CACNG2: variants seen among roughly 807,000 people sequenced by gnomAD.
CACNG2 encodes calcium voltage-gated channel auxiliary subunit gamma 2.
CACNG2 carries 3 observed loss-of-function variants against 25.9 expected under a neutral mutation model. The observed-to-expected ratio is 0.12, with a 90% CI of 0.05 to 0.30. The LOEUF is 0.30. CACNG2 is among the 10% of genes least tolerant of loss of function. The pLI is 1.00. For missense variants in CACNG2, 341 were observed against 432.5 expected, an observed-to-expected ratio of 0.79 and a Z score of 1.88; for synonymous variants, 167 against 173.3, an observed-to-expected ratio of 0.96 and a Z score of 0.29.
intron 1 of CACNG2, among the ~76,000 whole-genome samples, chr22:36,625,318 C>A (rs898747167): frequency 2.6e-5 from 4 of 152,152 alleles, no homozygotes; most frequent in Non-Finnish European, 4.4e-5. Context: ...TCATTTCAAT[C>A]GAGGGTTGGA....
At chr22:36,691,880 CCTACT>C (rs1361614192) in intron 1 of CACNG2, among the ~76,000 whole-genome samples, 1 of 152,114 alleles carries the variant, frequency 6.6e-6, no homozygotes. Flanking sequence ...TTCAGGATTA[CCTACT>C]CTGCAAACAT....
chr22:36,659,144 G>A (rs1013828074), intron 1 of CACNG2, among the ~76,000 whole-genome samples: 6 of 152,150 alleles, frequency 3.9e-5, no homozygotes, highest in Admixed American at 2.0e-4. Flanking sequence ...CCCGCTAGGT[G>A]TAGGCACAGG....
At position 36,606,491 on chromosome 22, in the gene CACNG2, T is replaced by G. The variant is rs1935835072; in HGVS notation, c.212-18943A>C. On this transcript the variant is annotated intron_variant, in intron 1 of 3. Coordinates refer to ENST00000300105, the MANE Select transcript of CACNG2 (RefSeq NM_006078.5). This position sits in a 1 kb window ranked among gnomAD's most constrained non-coding sequence, Gnocchi z 5.7. ...CGGGCAGGAGGTTCTAGGTGACTGC[T>G]GGGCTGCACTGTTACAGCACAGTAC... is the stretch of plus-strand genomic sequence containing the variant. Among the ~76,000 whole-genome samples the G allele has an allele frequency of 6.6e-6, 1 of 152,114 alleles. No individual in the cohort carries two copies.
At position 36,686,537 on chromosome 22, in the gene CACNG2, A is replaced by G. The variant is rs189887533; in HGVS notation, c.211+15829T>C. Among the ~76,000 whole-genome samples the G allele has an allele frequency of 5.3e-4, 80 of 152,312 alleles. No individual in the cohort carries two copies. The Middle Eastern group carries it at 0.02, about 39-fold the overall frequency. On this transcript the variant is annotated intron_variant, in intron 1 of 3. Coordinates refer to ENST00000300105, the MANE Select transcript of CACNG2 (RefSeq NM_006078.5). ...GGCATGCAATGGGCCTGCCTCCCAG[A>G]GCTGGGGATTCTATCCACCCTCAAA...
intron 1 of CACNG2, among the ~76,000 whole-genome samples, chr22:36,651,134 G>A (rs1214870684): frequency 1.3e-5 from 2 of 151,516 alleles, no homozygotes; most frequent in African/African-American, 4.9e-5. Flanking sequence ...ACACTGTGTG[G>A]TCCCATAAAC....
intron 1 of CACNG2, among the ~76,000 whole-genome samples, chr22:36,651,385 T>C (rs1317830721): frequency 6.6e-6 from 1 of 151,950 alleles, no homozygotes; most frequent in Non-Finnish European, 1.5e-5. Context: ...GCCACCACCA[T>C]GCCCAGCTAA....
intron 1 of CACNG2, among the ~76,000 whole-genome samples, chr22:36,653,924 T>C (rs1936662688): frequency 6.6e-6 from 1 of 151,318 alleles, no homozygotes; most frequent in African/African-American, 2.4e-5. Context: ...TTAGATTTTT[T>C]TTTTTTTTTT....
chr22:36,617,145 G>T (rs1184801628), intron 1 of CACNG2, among the ~76,000 whole-genome samples: 1 of 152,192 alleles, frequency 6.6e-6, no homozygotes, highest in Non-Finnish European at 1.5e-5. Context: ...GCTAGACCAG[G>T]TCATGGGGGT....
chr22:36,622,176 C>A (rs906121561), intron 1 of CACNG2, among the ~76,000 whole-genome samples: 1 of 152,206 alleles, frequency 6.6e-6, no homozygotes, highest in African/African-American at 2.4e-5. Context: ...TCAGACCTGG[C>A]CAATTGGCTC....
In CACNG2 at chr22:36,562,390, C is replaced by T. The variant is rs1935043142; in HGVS notation, c.*1961G>A. 6.6e-6 allele frequency: 1 copy of T among 151,726 alleles called. No individual in the cohort carries two copies. The highest frequency in any genetic ancestry group is 2.1e-4 in the South Asian group (1 of 4,814). The allele number at this position is 151,726 out of a possible 1,614,324, so 9.4% of individuals were successfully genotyped here. On this transcript the variant is annotated 3_prime_UTR_variant, in exon 4 of 4. Coordinates refer to ENST00000300105, the MANE Select transcript of CACNG2 (RefSeq NM_006078.5). ...TGCTTACATGGGGGGAAAATTAAGGCCCAGAGAGGCCATGCAGCAAGGAAT... is the reference window on the plus strand; with the variant it reads ...TGCTTACATGGGGGGAAAATTAAGGTCCAGAGAGGCCATGCAGCAAGGAAT...
intron 2 of CACNG2, among the ~76,000 whole-genome samples, chr22:36,566,755 C>G (rs1017849686): frequency 6.6e-6 from 1 of 152,202 alleles, no homozygotes; most frequent in Non-Finnish European, 1.5e-5. Context: ...GACTTGGCCT[C>G]TGCCCACTTC....
intron 1 of CACNG2, among the ~76,000 whole-genome samples, chr22:36,690,017 T>C (rs539663886): frequency 6.6e-6 from 1 of 152,282 alleles, no homozygotes; most frequent in Non-Finnish European, 1.5e-5. Flanking sequence ...TATGCATTTA[T>C]TTACAGATGC....
intron 1 of CACNG2, among the ~76,000 whole-genome samples, chr22:36,623,838 G>T (rs2145951910): frequency 6.6e-6 from 1 of 152,164 alleles, no homozygotes; most frequent in African/African-American, 2.4e-5. Context: ...GAGTCCTCTT[G>T]TCATCCCAAT....
chr22:36,655,467 T>A (rs1045895137), intron 1 of CACNG2, among the ~76,000 whole-genome samples: 10 of 152,214 alleles, frequency 6.6e-5, no homozygotes, highest in Admixed American at 1.3e-4. Flanking sequence ...GCCAATTTGT[T>A]AGTTTACATG....
intron 1 of CACNG2, among the ~76,000 whole-genome samples, chr22:36,654,823 T>G (rs5756282): frequency 0.99 from 150,327 of 152,322 alleles, 74,180 homozygotes; most frequent in Middle Eastern, 1. Context: ...CGAAAACAAG[T>G]TCTCAGCTCC....
chr22:36,676,529 C>T (rs1196675266), intron 1 of CACNG2, among the ~76,000 whole-genome samples: 2 of 152,190 alleles, frequency 1.3e-5, no homozygotes, highest in Non-Finnish European at 2.9e-5. Flanking sequence ...CACCAGCTGG[C>T]TCCTGTTTTA....
At chr22:36,694,618 C>T (rs2146017772) in intron 1 of CACNG2, among the ~76,000 whole-genome samples, 1 of 152,238 alleles carries the variant, frequency 6.6e-6, no homozygotes, top group East Asian at 1.9e-4. Context: ...GGAGAGGTGG[C>T]ACTAGGGTAT....
At chr22:36,594,622 G>A (rs1935644443) in intron 1 of CACNG2, among the ~76,000 whole-genome samples, 1 of 152,166 alleles carries the variant, frequency 6.6e-6, no homozygotes, top group African/African-American at 2.4e-5. Context: ...GCAGGTGCCT[G>A]AGCTGACACA....
intron 1 of CACNG2, among the ~76,000 whole-genome samples, chr22:36,693,436 T>G (rs1433940227): frequency 6.6e-6 from 1 of 152,070 alleles, no homozygotes; most frequent in Non-Finnish European, 1.5e-5. Context: ...GCAACCACCT[T>G]CTCACCTGCT....
Sources: allele counts gnomAD v4.1 joint callset (sites outside exome capture counted in the v4.1 genomes callset), GRCh38; gene constraint gnomAD v4.1.1; non-coding constraint Gnocchi (gnomAD v3.1); transcripts MANE v1.5; gene names NCBI Gene and HGNC (gene_info 2026-07-23, HGNC 2026-07-21).